Variants in LYPD6B observed in about 807,000 individuals in gnomAD.
LYPD6B encodes the protein ly6/PLAUR domain-containing protein 6B.
LYPD6B carries 17 observed loss-of-function variants against 22.8 expected under a neutral mutation model. The observed-to-expected ratio is 0.75, with a 90% CI of 0.51 to 1.12. The LOEUF is 1.12. Ranked by LOEUF, LYPD6B falls within the 50% of genes most tolerant of loss-of-function variation. The pLI is 0.00. For synonymous variants in LYPD6B, 106 were observed against 91.6 expected (o/e 1.16, Z -0.90); for missense variants, 221 against 258.3 (o/e 0.86, Z 0.99).
In LYPD6B at chr2:149,068,238, A is replaced by G. The variant is rs556997941; in HGVS notation, c.-67+29437A>G. Among the ~76,000 whole-genome samples the G allele has an allele frequency of 8.5e-5, 13 of 152,272 alleles. No individual in the cohort carries two copies. In the South Asian group the frequency reaches 2.3e-3, roughly 27 times the overall value. ...TTTACCATGCTTTGTTTTGGAATAC[A>G]TCATTGCCCTCAATAATGCAGAATG... On this transcript the variant is annotated intron_variant, in intron 1 of 6. Transcript: ENST00000409642.
chr2:149,078,653 T>C (rs760737112), intron 1 of LYPD6B, among the ~76,000 whole-genome samples: 28 of 152,224 alleles, frequency 1.8e-4, no homozygotes, highest in Non-Finnish European at 3.8e-4. Context: ...GAATTTTCAC[T>C]TTTATGAGAC....
intron 2 of LYPD6B, among the ~76,000 whole-genome samples, chr2:149,134,485 T>A (rs1575035407): frequency 6.6e-6 from 1 of 152,314 alleles, no homozygotes; most frequent in South Asian, 2.1e-4. Flanking sequence ...GGAAAACTAT[T>A]CCTTGGGGGA....
intron 3 of LYPD6B, among the ~76,000 whole-genome samples, chr2:149,186,818 T>C (rs1180089208): frequency 1.3e-5 from 2 of 152,200 alleles, no homozygotes; most frequent in African/African-American, 4.8e-5. Context: ...TGAAAAATGT[T>C]CTATGGGTAA....
chr2:149,068,557 A>G (rs1684447235), intron 1 of LYPD6B: 1 of 291,980 alleles, frequency 3.4e-6, no homozygotes, highest in Non-Finnish European at 7.3e-6. Context: ...AATTTTAAAT[A>G]GCCAATGGTT....
chr2:149,177,995 C>T (rs562054424), intron 3 of LYPD6B, among the ~76,000 whole-genome samples: 1 of 152,066 alleles, frequency 6.6e-6, no homozygotes, highest in Non-Finnish European at 1.5e-5. Context: ...TACTATATCC[C>T]TAACATTTAA....
At chr2:149,117,730 C>G (rs1445261897) in intron 1 of LYPD6B, among the ~76,000 whole-genome samples, 1 of 152,120 alleles carries the variant, frequency 6.6e-6, no homozygotes, top group Non-Finnish European at 1.5e-5. Context: ...TCAAGTTGTT[C>G]CAATTTAGTC....
intron 3 of LYPD6B, chr2:149,204,610 C>T (rs1575176430): frequency 6.5e-6 from 1 of 154,046 alleles, no homozygotes; most frequent in South Asian, 2.0e-4. Flanking sequence ...TCCTCTAGAG[C>T]CTCCTGGCAG....
chr2:149,057,256 A>G (rs985053109), intron 1 of LYPD6B, among the ~76,000 whole-genome samples: 4 of 152,048 alleles, frequency 2.6e-5, no homozygotes, highest in African/African-American at 9.7e-5. Context: ...TTATTATTCT[A>G]TTGGCAAAAT....
At chr2:149,171,072 C>T (rs150859680) in intron 3 of LYPD6B, among the ~76,000 whole-genome samples, 9 of 152,276 alleles carry the variant, frequency 5.9e-5, no homozygotes, top group East Asian at 1.9e-4. Context: ...CATGTCCTGT[C>T]GGGTCAGTGT....
At chr2:149,180,239 T>G (rs575590880) in intron 3 of LYPD6B, among the ~76,000 whole-genome samples, 1 of 152,338 alleles carries the variant, frequency 6.6e-6, no homozygotes, top group African/African-American at 2.4e-5. Context: ...TACTAGGGGC[T>G]CTACTGGGTT....
chr2:149,160,368 G>T, intron 2 of LYPD6B: 2 of 453,956 alleles, frequency 4.4e-6, no homozygotes, highest in South Asian at 3.1e-5. Flanking sequence ...CATTGTGGAT[G>T]TGTTGAATGT....
chr2:149,127,323 T>G (rs1266513579), intron 1 of LYPD6B, among the ~76,000 whole-genome samples: 1 of 152,204 alleles, frequency 6.6e-6, no homozygotes, highest in East Asian at 1.9e-4. Flanking sequence ...TATCGAGGGC[T>G]CAAACTGAGA....
intron 1 of LYPD6B, among the ~76,000 whole-genome samples, chr2:149,063,020 C>T (rs1042340547): frequency 1.3e-5 from 2 of 152,092 alleles, no homozygotes. Context: ...CTCCCTCTCT[C>T]TCTCTCTTCC....
At chr2:149,079,355 G>A (rs1685019872) in intron 1 of LYPD6B, among the ~76,000 whole-genome samples, 2 of 152,082 alleles carry the variant, frequency 1.3e-5, no homozygotes, top group Admixed American at 1.3e-4. Flanking sequence ...TTGGACTTCT[G>A]CCATACCTGA....
intron 3 of LYPD6B, among the ~76,000 whole-genome samples, chr2:149,181,529 C>T (rs1472448453): frequency 6.6e-6 from 1 of 152,210 alleles, no homozygotes; most frequent in Non-Finnish European, 1.5e-5. Context: ...TGCCTCCCAC[C>T]TTCCATCCCT....
rs138014715 is a variant in LYPD6B, at chr2:149,189,951, A to G, written c.78-15302A>G. On this transcript the variant is annotated intron_variant, in intron 3 of 6. Transcript: ENST00000409642. ...AACTATTGAGCTTTAACCATAAACT[A>G]TAGAGCCAATTGAATTGTTTTGTTT... Among the ~76,000 whole-genome samples the G allele has an allele frequency of 7.4e-4, 112 of 152,356 alleles. No individual in the cohort carries two copies. The East Asian group carries it at 0.021, about 29-fold the overall frequency.
In LYPD6B at chr2:149,103,767, A is replaced by G. The variant is rs111280475; in HGVS notation, c.-66-27116A>G. ...TTTGTGATGTTCATACACGTTGTGC[A>G]TATCTTTTTTTTTTTTTTTTTTTTT... On this transcript the variant is annotated intron_variant, in intron 1 of 6. Coordinates refer to ENST00000409642, the MANE Select transcript of LYPD6B (RefSeq NM_177964.5). Among the ~76,000 whole-genome samples the G allele has an allele frequency of 1.3e-3, 156 of 119,368 alleles. 1 individual carries two copies. The highest frequency in any genetic ancestry group is 5.0e-3 in the African/African-American group (149 of 29,958). 78.3% of individuals were successfully genotyped at this position (119,368 alleles called of 152,430 possible).
intron 2 of LYPD6B, among the ~76,000 whole-genome samples, chr2:149,150,871 G>A (rs1012803728): frequency 7.3e-5 from 11 of 151,454 alleles, no homozygotes; most frequent in African/African-American, 1.5e-4. Context: ...CTTTCTGAAA[G>A]ATTTCTTTGA....
chr2:149,188,607 C>A, intron 3 of LYPD6B: 1 of 524,786 alleles, frequency 1.9e-6, no homozygotes, highest in Non-Finnish European at 2.4e-6. Context: ...TCACTCAACA[C>A]CCAGTAAAGT....
Sources: gnomAD v4.1 joint callset for allele counts (sites outside exome capture counted in the v4.1 genomes callset) on GRCh38, gnomAD v4.1.1 for gene constraint, MANE v1.5 for transcripts, NCBI Gene and HGNC (gene_info 2026-07-23, HGNC 2026-07-21) for gene names.